Variants in STS observed in about 807,000 individuals in gnomAD.
STS encodes the protein steroid sulfatase.
Under a neutral mutation model 26.8 loss-of-function variants are expected in STS, and 7 were observed. The observed-to-expected ratio is 0.26, with a 90% CI of 0.15 to 0.49. The LOEUF (loss-of-function observed/expected upper bound fraction) is 0.49, where lower values mean the gene tolerates loss of function less well. Ranked by LOEUF, STS falls within the 20% of genes least tolerant of loss-of-function variation. The pLI, the probability that STS is intolerant of heterozygous loss-of-function variation, is 0.98. For missense variants in STS, 434 were observed against 465.6 expected (o/e 0.93, Z 0.63); for synonymous variants, 199 against 189.4 (o/e 1.05, Z -0.42).
chrX:7,149,097 G>A (rs1434681102), intron 1 of STS, among the ~76,000 whole-genome samples: 1 of 111,536 alleles, frequency 9.0e-6, no homozygotes, highest in Non-Finnish European at 1.9e-5. Flanking sequence ...CTTTAAAAAC[G>A]TGAGGGTGTG....
chrX:7,261,969 T>C, intron 6 of STS, among the ~76,000 whole-genome samples: 1 of 112,299 alleles, frequency 8.9e-6, no homozygotes, highest in Non-Finnish European at 1.9e-5. Flanking sequence ...ATCTAAATTG[T>C]CATTGAACTG....
At position 7,325,584 on chromosome X, in the gene STS, G is replaced by T. The variant is rs1437769553; in HGVS notation, c.1241+86G>T. Reference sequence around the variant, plus strand: ...TGGTTTGCCTGCATAATGGTGTGGGGACCAAGGCCTTTGGCCCCCTGGAGT... The same window carrying T: ...TGGTTTGCCTGCATAATGGTGTGGGTACCAAGGCCTTTGGCCCCCTGGAGT... On this transcript the variant is annotated intron_variant, in intron 9 of 10. Transcript: ENST00000674429. 4 of 1,093,148 alleles carry T rather than the reference G, an allele frequency of 3.7e-6. No individual in the cohort carries two copies. The African/African-American group carries it at 5.4e-5, about 15-fold the overall frequency. The allele number at this position is 1,093,148 out of a possible 1,213,427, so 90.1% of individuals were successfully genotyped here.
In STS at chrX:7,203,898, T is replaced by A. The variant is rs1006280047; in HGVS notation, c.-5+12890T>A. Among the ~76,000 whole-genome samples the A allele has an allele frequency of 2.7e-5, 3 of 111,324 alleles. No homozygotes were observed. The Admixed American group carries it at 2.9e-4, about 11-fold the overall frequency. ...CTTCTGGGCTCAAGCAATTCTCCTGTCTCAGCTTCCCAAGTAGGTGGGACT... is the reference window on the plus strand; with the variant it reads ...CTTCTGGGCTCAAGCAATTCTCCTGACTCAGCTTCCCAAGTAGGTGGGACT... On this transcript the variant is annotated intron_variant, in intron 2 of 10. Coordinates refer to ENST00000674429, the MANE Select transcript of STS (RefSeq NM_001320752.2).
At chrX:7,171,754 G>A (rs1400120697) in intron 1 of STS, among the ~76,000 whole-genome samples, 3 of 111,870 alleles carry the variant, frequency 2.7e-5, no homozygotes, top group African/African-American at 9.8e-5. Context: ...AGTGTCTGTG[G>A]AATATATGTG....
At chrX:7,215,206 G>T (rs1455770344) in intron 2 of STS, among the ~76,000 whole-genome samples, 1 of 103,990 alleles carries the variant, frequency 9.6e-6, no homozygotes, top group Non-Finnish European at 1.9e-5. Flanking sequence ...CATTTGGGCT[G>T]GTTCCACATT....
intron 2 of STS, among the ~76,000 whole-genome samples, chrX:7,235,654 A>G (rs1922283098): frequency 9.0e-6 from 1 of 111,388 alleles, no homozygotes; most frequent in Admixed American, 9.6e-5. Context: ...GCTTGTGCCT[A>G]TGGTCTCAGC....
intron 8 of STS, among the ~76,000 whole-genome samples, chrX:7,324,413 C>T (rs1569226408): frequency 9.0e-6 from 1 of 111,576 alleles, no homozygotes. Flanking sequence ...TTGGTCAGTT[C>T]TCTCCCGGAT....
At chrX:7,276,737 G>A (rs182717839) in intron 7 of STS, among the ~76,000 whole-genome samples, 20 of 112,095 alleles carry the variant, frequency 1.8e-4, no homozygotes, top group East Asian at 1.1e-3. Context: ...CAACAGTGAC[G>A]AGATCCTCGT....
At chrX:7,306,275 G>A (rs776930096) in intron 8 of STS, among the ~76,000 whole-genome samples, 31 of 110,634 alleles carry the variant, frequency 2.8e-4, no homozygotes, top group Admixed American at 4.8e-4. Flanking sequence ...ACACAACGTG[G>A]CCCATTTCAT....
intron 6 of STS, among the ~76,000 whole-genome samples, chrX:7,260,810 A>G (rs1233247097): frequency 8.9e-6 from 1 of 111,865 alleles, no homozygotes; most frequent in African/African-American, 3.2e-5. Flanking sequence ...ATGTGGAAAG[A>G]TCCAAAATAT....
intron 2 of STS, among the ~76,000 whole-genome samples, chrX:7,200,032 A>C (rs749297543): frequency 5.7e-4 from 58 of 101,155 alleles, no homozygotes; most frequent in African/African-American, 2.1e-3. Flanking sequence ...CACACATTTG[A>C]AGTATTAGAA....
At chrX:7,219,110 C>T (rs1262377522) in intron 2 of STS, among the ~76,000 whole-genome samples, 7 of 111,769 alleles carry the variant, frequency 6.3e-5, no homozygotes, top group African/African-American at 2.3e-4. Context: ...ATAAGAATAG[C>T]TTAAACTATC....
chrX:7,298,605 A>G (rs1345171433), intron 7 of STS, among the ~76,000 whole-genome samples: 1 of 111,475 alleles, frequency 9.0e-6, no homozygotes, highest in Non-Finnish European at 1.9e-5. Context: ...GTGCCACTCC[A>G]CAATGGTTCA....
Position 7,254,339 on chromosome X carries a change from A to C in STS, c.137+1003A>C, listed in dbSNP as rs1189237400. Among the ~76,000 whole-genome samples the C allele has an allele frequency of 3.6e-5, 4 of 111,622 alleles. No homozygotes were observed. The Admixed American group carries it at 3.8e-4, about 11-fold the overall frequency. On this transcript the variant is annotated intron_variant, in intron 3 of 10. Transcript: ENST00000674429. ...CTCTCCCTCTGCGTAAAATCAACCTAACATAAGACCTATTTTAAGGACCCT... is the reference window on the plus strand; with the variant it reads ...CTCTCCCTCTGCGTAAAATCAACCTCACATAAGACCTATTTTAAGGACCCT...
intron 2 of STS, among the ~76,000 whole-genome samples, chrX:7,251,304 A>G (rs1435912513): frequency 8.9e-6 from 1 of 112,021 alleles, no homozygotes; most frequent in Non-Finnish European, 1.9e-5. Context: ...CTCAGAGAGT[A>G]TGTTCAAAGA....
At chrX:7,324,077 A>G (rs771542981) in intron 8 of STS, among the ~76,000 whole-genome samples, 1 of 110,547 alleles carries the variant, frequency 9.0e-6, no homozygotes, top group Non-Finnish European at 1.9e-5. Context: ...CTACAGCTTG[A>G]TTTATACATT....
intron 9 of STS, among the ~76,000 whole-genome samples, chrX:7,331,535 A>G (rs1927747274): frequency 9.0e-6 from 1 of 111,660 alleles, no homozygotes; most frequent in South Asian, 3.8e-4. Context: ...CTGTTTCCAG[A>G]GAAAACAGCA....
At chrX:7,279,361 ATG>A (rs149132899) in intron 7 of STS, among the ~76,000 whole-genome samples, 24,745 of 80,436 alleles carry the variant, frequency 0.31, 3,495 homozygotes, top group Middle Eastern at 0.41. Flanking sequence ...GTGTGTGTAT[ATG>A]TGTGTGTGTG....
At chrX:7,247,968 T>A (rs1308299966) in intron 2 of STS, among the ~76,000 whole-genome samples, 1 of 111,936 alleles carries the variant, frequency 8.9e-6, no homozygotes, top group Non-Finnish European at 1.9e-5. Context: ...AGTAATTTAG[T>A]GAATATTTAT....
Sources: gnomAD v4.1 joint callset for allele counts (sites outside exome capture counted in the v4.1 genomes callset) on GRCh38, gnomAD v4.1.1 for gene constraint, MANE v1.5 for transcripts, NCBI Gene and HGNC (gene_info 2026-07-23, HGNC 2026-07-21) for gene names.